The following ZNF723 variants were observed in gnomAD, a reference collection of about 807,000 sequenced individuals.
The protein encoded by ZNF723 is zinc finger protein 723.
ZNF723 carries 5 observed loss-of-function variants against 9.4 expected under a neutral mutation model. The ratio of observed to expected loss-of-function variants is 0.53; its 90% confidence interval spans 0.28 to 1.12. The LOEUF (loss-of-function observed/expected upper bound fraction) is 1.12. ZNF723 is among the 50% of genes most tolerant of loss of function. The pLI, the probability that ZNF723 is intolerant of heterozygous loss-of-function variation, is 0.10. For synonymous variants in ZNF723, 158 were observed against 168.8 expected, an observed-to-expected ratio of 0.94 and a Z score of 0.49; for missense variants, 450 against 501.5, an observed-to-expected ratio of 0.90 and a Z score of 0.98.
chr19:22,849,437 C>T (rs1967362597), intron 3 of ZNF723, 144 bp downstream of exon 3: 1 of 425,484 alleles, frequency 2.4e-6, no homozygotes, highest in Non-Finnish European at 4.3e-6. Flanking sequence ...AAATTTTACT[C>T]TCACATAGGG....
chr19:22,816,398 AT>A, the ZNF723 span, among the ~76,000 whole-genome samples: 1 of 152,232 alleles, frequency 6.6e-6, no homozygotes. Flanking sequence ...TCTATGAGGC[AT>A]TGACTTCACT....
chr19:22,816,302 C>A, the ZNF723 span, among the ~76,000 whole-genome samples: 9 of 152,098 alleles, frequency 5.9e-5, no homozygotes, highest in African/African-American at 2.2e-4. Context: ...ATCTCACACC[C>A]AAAGTAAGTT....
intron 1 of ZNF723, 29 bp from the exon 2 acceptor site, chr19:22,848,232 G>A: frequency 3.5e-6 from 3 of 863,938 alleles, no homozygotes; most frequent in Non-Finnish European, 5.5e-6. Context: ...GTAAATATGT[G>A]TGTATGTGTG....
chr19:22,826,951 G>A, the ZNF723 span, among the ~76,000 whole-genome samples: 4 of 152,210 alleles, frequency 2.6e-5, no homozygotes, highest in Non-Finnish European at 4.4e-5. Context: ...TTGATCCACT[G>A]CTTTTAACCT....
intron 1 of ZNF723, among the ~76,000 whole-genome samples, chr19:22,835,066 GTTGT>G (rs1207680867): frequency 3.6e-5 from 1 of 27,706 alleles, no homozygotes; most frequent in Non-Finnish European, 5.8e-5. Context: ...TTGTTTGTTG[GTTGT>G]TTTTTTTTTT....
chr19:22,836,908 G>T (rs1967174575), intron 1 of ZNF723, among the ~76,000 whole-genome samples: 1 of 152,098 alleles, frequency 6.6e-6, no homozygotes, highest in African/African-American at 2.4e-5. Flanking sequence ...CAGCATAACT[G>T]CAGTGTTTTG....
At chr19:22,852,087 C>A (rs555793381) in intron 3 of ZNF723, among the ~76,000 whole-genome samples, 5 of 152,144 alleles carry the variant, frequency 3.3e-5, no homozygotes, top group Non-Finnish European at 7.3e-5. Context: ...CTGCGCCCAG[C>A]TAGAATTTTT....
At chr19:22,848,864 C>A (rs1009679768) in intron 2 of ZNF723, among the ~76,000 whole-genome samples, 1 of 152,040 alleles carries the variant, frequency 6.6e-6, no homozygotes, top group South Asian at 2.1e-4. Flanking sequence ...AAGAGATTCT[C>A]CAGCCTCAGC....
chr19:22,853,422 T>G (rs371926724), intron 3 of ZNF723, among the ~76,000 whole-genome samples: 3 of 152,170 alleles, frequency 2.0e-5, no homozygotes, highest in African/African-American at 7.2e-5. Flanking sequence ...ATCTTCAAAA[T>G]ATTAATTATT....
chr19:22,816,105 T>C, the ZNF723 span, among the ~76,000 whole-genome samples: 1 of 152,224 alleles, frequency 6.6e-6, no homozygotes, highest in African/African-American at 2.4e-5. Context: ...CATGGGTCTA[T>C]ATGAGCACAA....
At chr19:22,824,572 G>C in the ZNF723 span, among the ~76,000 whole-genome samples, 1 of 152,112 alleles carries the variant, frequency 6.6e-6, no homozygotes, top group South Asian at 2.1e-4. Flanking sequence ...TTGCATGAAA[G>C]GTCAGAGAAA....
intron 3 of ZNF723, among the ~76,000 whole-genome samples, chr19:22,850,611 G>A (rs1967381791): frequency 6.6e-6 from 1 of 151,670 alleles, no homozygotes; most frequent in African/African-American, 2.4e-5. Context: ...TGATTCTCCT[G>A]TCTCAGCTTC....
At chr19:22,831,082 C>T (rs988479272), upstream of ZNF723, among the ~76,000 whole-genome samples, 60 of 152,240 alleles carry the variant, frequency 3.9e-4, no homozygotes, top group African/African-American at 1.4e-3. Context: ...TTTCACCCCT[C>T]CTATATCCAT....
At position 22,858,407 on chromosome 19, in the gene ZNF723, G is replaced by A. The variant is rs1967516281; in HGVS notation, c.1516G>A (p.Glu506Lys). 1.3e-6 allele frequency: 1 copy of A among 742,386 alleles called. No homozygotes were observed. Among genetic ancestry groups the A allele is most frequent in the African/African-American group, 1.8e-5 (1 of 56,502 alleles). 46.0% of individuals were successfully genotyped at this position (742,386 alleles called of 1,614,324 possible). The stretch of plus-strand genomic sequence containing the variant: ...CAGACATAAGATAATTCATACTAAA[G>A]AGAAATCACAAACCTTAAAGATGTG... ...LNRHKIIHTK[E>K]KSQTLKM The change falls in exon 4 of 4, where the codon GAG (glutamate) becomes AAG (lysine). Residue 506 changes from glutamate (E) to lysine (K), a missense_variant. Glu to Lys is a moderately conservative substitution (Grantham distance 56). This residue lies in a region of ZNF723 where 43 missense variants were observed against 22.2 expected (regional missense o/e 1.94). Coordinates refer to ENST00000600766, the MANE Select transcript of ZNF723 (RefSeq NM_001349726.2).
chr19:22,831,592 T>C (rs569718858), upstream of ZNF723, among the ~76,000 whole-genome samples: 11 of 151,160 alleles, frequency 7.3e-5, no homozygotes, highest in Non-Finnish European at 1.5e-4. Context: ...GTGGCTCACA[T>C]TTTATTTCAG....
At chr19:22,839,571 T>G (rs1242145726) in intron 1 of ZNF723, among the ~76,000 whole-genome samples, 1 of 151,546 alleles carries the variant, frequency 6.6e-6, no homozygotes, top group Non-Finnish European at 1.5e-5. Context: ...CTTCCCAGGT[T>G]CAAGCGATTC....
At chr19:22,842,871 A>G (rs1967266475) in intron 1 of ZNF723, among the ~76,000 whole-genome samples, 1 of 152,322 alleles carries the variant, frequency 6.6e-6, no homozygotes, top group South Asian at 2.1e-4. Flanking sequence ...CATTTTATGC[A>G]TTGTCAGATG....
At chr19:22,826,022 T>C in the ZNF723 span, among the ~76,000 whole-genome samples, 1 of 152,164 alleles carries the variant, frequency 6.6e-6, no homozygotes, top group African/African-American at 2.4e-5. Context: ...TATCTTTGGG[T>C]TCATCACCTA....
chr19:22,853,980 T>C (rs1467365096), intron 3 of ZNF723, among the ~76,000 whole-genome samples: 2 of 152,212 alleles, frequency 1.3e-5, no homozygotes, highest in African/African-American at 2.4e-5. Flanking sequence ...CTTTTAGAAA[T>C]AAATGTTTTA....
Sources: allele counts gnomAD v4.1 joint callset (sites outside exome capture counted in the v4.1 genomes callset), GRCh38; gene constraint gnomAD v4.1.1; regional missense constraint gnomAD v4.1.1; transcripts MANE v1.5; gene names NCBI Gene and HGNC (gene_info 2026-07-23, HGNC 2026-07-21).